PDGFD: variants seen among roughly 807,000 people sequenced by gnomAD.
PDGFD encodes the protein platelet derived growth factor D, also known as platelet-derived growth factor D.
Under a neutral mutation model 44.7 loss-of-function variants are expected in PDGFD, and 30 were observed. The observed-to-expected ratio is 0.67, with a 90% CI of 0.50 to 0.91. The LOEUF (loss-of-function observed/expected upper bound fraction) is 0.91. Among genes scored for constraint, PDGFD ranks in the 40% least tolerant of loss-of-function variants. The probability of loss-of-function intolerance (pLI) is 0.00; values close to 1 mark genes in which losing one functional copy is unlikely to be tolerated. For synonymous variants in PDGFD, 173 were observed against 168.4 expected (o/e 1.03, Z -0.21); for missense variants, 445 against 457.8 (o/e 0.97, Z 0.25).
At chr11:104,094,687 G>T in intron 1 of PDGFD, among the ~76,000 whole-genome samples, 1 of 152,056 alleles carries the variant, frequency 6.6e-6, no homozygotes, top group South Asian at 2.1e-4. Context: ...CACATAGTCA[G>T]TTTTTTCTCC....
Position 104,037,262 on chromosome 11 carries a change from G to A in PDGFD, c.125-37007C>T, listed in dbSNP as rs758927127. 10 of 1,613,352 alleles carry A rather than the reference G, an allele frequency of 6.2e-6. No individual in the cohort carries two copies. The Admixed American group carries it at 1.7e-4, about 27-fold the overall frequency. The stretch of plus-strand genomic sequence containing the variant: ...GGTCTGGGCAGCCCCGCCCTGATCC[G>A]CAGCATGCTGCTCTCCAACCCCCAC... On this transcript the variant is annotated intron_variant, in intron 1 of 6. Transcript: ENST00000393158.
intron 6 of PDGFD, among the ~76,000 whole-genome samples, chr11:103,914,089 A>C (rs1319791904): frequency 6.6e-6 from 1 of 152,166 alleles, no homozygotes; most frequent in African/African-American, 2.4e-5. Flanking sequence ...ATTAGGCAAA[A>C]GAGATAGCGA....
chr11:103,957,897 C>G (rs1858881335), intron 3 of PDGFD, among the ~76,000 whole-genome samples: 1 of 151,942 alleles, frequency 6.6e-6, no homozygotes, highest in African/African-American at 2.4e-5. Context: ...TTGGTCATAC[C>G]ATGGTGTTTG....
chr11:103,932,609 A>G (rs978343448), intron 5 of PDGFD, among the ~76,000 whole-genome samples: 1 of 152,184 alleles, frequency 6.6e-6, no homozygotes, highest in African/African-American at 2.4e-5. Flanking sequence ...TCCCTAATGT[A>G]AGGACCAAAT....
chr11:104,038,203 T>G (rs1860286379), intron 1 of PDGFD: 4 of 631,034 alleles, frequency 6.3e-6, no homozygotes. Flanking sequence ...TCCATTTCCC[T>G]TGTCCAGAGA....
chr11:104,050,556 C>A (rs113361504), intron 1 of PDGFD, among the ~76,000 whole-genome samples: 13 of 152,278 alleles, frequency 8.5e-5, no homozygotes, highest in African/African-American at 3.1e-4. Context: ...TGGACATACA[C>A]CCTTGGGCAA....
chr11:104,142,502 A>C (rs1399571857), intron 1 of PDGFD, among the ~76,000 whole-genome samples: 2 of 152,030 alleles, frequency 1.3e-5, no homozygotes, highest in African/African-American at 4.8e-5. Context: ...GATTTTTTAA[A>C]ATTTCCACCT....
intron 5 of PDGFD, among the ~76,000 whole-genome samples, chr11:103,927,730 C>T (rs1858341234): frequency 6.6e-6 from 1 of 152,280 alleles, no homozygotes; most frequent in South Asian, 2.1e-4. Flanking sequence ...TCCTAGATGG[C>T]AGTATAGCAT....
intron 1 of PDGFD, among the ~76,000 whole-genome samples, chr11:104,004,255 T>C (rs1192192150): frequency 6.6e-6 from 1 of 152,188 alleles, no homozygotes; most frequent in Non-Finnish European, 1.5e-5. Flanking sequence ...CAGCCCTCCA[T>C]ATCCATGGGT....
At chr11:104,097,062 AAG>A (rs775569240) in intron 1 of PDGFD, among the ~76,000 whole-genome samples, 1 of 152,168 alleles carries the variant, frequency 6.6e-6, no homozygotes, top group Admixed American at 6.6e-5. Flanking sequence ...CGACTGTTGA[AAG>A]AGAGAGTAAA....
chr11:104,004,651 T>C (rs1160903004), intron 1 of PDGFD, among the ~76,000 whole-genome samples: 1 of 152,134 alleles, frequency 6.6e-6, no homozygotes, highest in Non-Finnish European at 1.5e-5. Flanking sequence ...ATATTTCAGA[T>C]TTATTTTTCC....
chr11:104,140,066 CAAA>C (rs1279605011), intron 1 of PDGFD, among the ~76,000 whole-genome samples: 1 of 128,180 alleles, frequency 7.8e-6, no homozygotes. Flanking sequence ...GACTCCGTCT[CAAA>C]AAAAAAAAAA....
At chr11:104,146,612 A>G (rs983194248) in intron 1 of PDGFD, among the ~76,000 whole-genome samples, 2 of 152,190 alleles carry the variant, frequency 1.3e-5, no homozygotes, top group Non-Finnish European at 2.9e-5. Context: ...TGCATATAAA[A>G]TTAGGCAACA....
At chr11:104,078,800 AATGTT>A (rs1171239696) in intron 1 of PDGFD, among the ~76,000 whole-genome samples, 59,106 of 142,388 alleles carry the variant, frequency 0.42, 14,820 homozygotes, top group African/African-American at 0.66. Context: ...TAAAGTATTT[AATGTT>A]TAGGCATTCA....
chr11:104,133,267 C>T (rs1031178114), intron 1 of PDGFD, among the ~76,000 whole-genome samples: 2 of 152,108 alleles, frequency 1.3e-5, no homozygotes, highest in African/African-American at 4.8e-5. Flanking sequence ...TATACTGAGT[C>T]TTTAGAAATC....
chr11:104,036,248 C>G (rs1038814072), intron 1 of PDGFD, among the ~76,000 whole-genome samples: 1 of 151,846 alleles, frequency 6.6e-6, no homozygotes, highest in Non-Finnish European at 1.5e-5. Context: ...GAGGCCAGCC[C>G]GGACAACACA....
At chr11:103,937,735 G>A (rs940477757) in intron 5 of PDGFD, among the ~76,000 whole-genome samples, 4 of 123,004 alleles carry the variant, frequency 3.3e-5, no homozygotes, top group African/African-American at 6.5e-5. Flanking sequence ...CTCAGTGTGT[G>A]ATGTTCCCCT....
intron 3 of PDGFD, among the ~76,000 whole-genome samples, chr11:103,984,964 T>A (rs561010447): frequency 8.0e-4 from 106 of 132,594 alleles, no homozygotes; most frequent in African/African-American, 2.9e-3. Flanking sequence ...TTAATATAGT[T>A]ATATTTATTT....
intron 1 of PDGFD, among the ~76,000 whole-genome samples, chr11:104,007,525 G>GAT: frequency 6.6e-6 from 1 of 152,310 alleles, no homozygotes; most frequent in African/African-American, 2.4e-5. Context: ...ATCAAACAGT[G>GAT]ATATAGTTGC....
Sources: gnomAD v4.1 joint callset for allele counts (sites outside exome capture counted in the v4.1 genomes callset) on GRCh38, gnomAD v4.1.1 for gene constraint, MANE v1.5 for transcripts, NCBI Gene and HGNC (gene_info 2026-07-23, HGNC 2026-07-21) for gene names.